The following DOCK4 variants were observed in gnomAD, a reference collection of about 807,000 sequenced individuals.
DOCK4 encodes the protein dedicator of cytokinesis protein 4.
A neutral mutation model predicts 268.1 loss-of-function variants in DOCK4; 97 were observed. The ratio of observed to expected loss-of-function variants is 0.36; its 90% confidence interval spans 0.31 to 0.43. The LOEUF (loss-of-function observed/expected upper bound fraction) is 0.43, where lower values mean the gene tolerates loss of function less well. Among genes scored for constraint, DOCK4 ranks in the 20% least tolerant of loss-of-function variants. The pLI, the probability that DOCK4 is intolerant of heterozygous loss-of-function variation, is 1.00. For missense variants in DOCK4, 2,145 were observed against 2,455.7 expected (o/e 0.87, Z 2.67); for synonymous variants, 954 against 887.2 (o/e 1.08, Z -1.34).
chr7:111,776,581 A>G (rs928205691), intron 36 of DOCK4, among the ~76,000 whole-genome samples: 2 of 152,354 alleles, frequency 1.3e-5, no homozygotes, highest in Middle Eastern at 3.4e-3. Flanking sequence ...ATGCCATTAC[A>G]GTCCTCAAAA....
chr7:111,895,053 C>T (rs1218495683), intron 16 of DOCK4, among the ~76,000 whole-genome samples: 1 of 147,484 alleles, frequency 6.8e-6, no homozygotes, highest in Admixed American at 6.7e-5. Context: ...TTCATTATTA[C>T]TAGTATTCTC....
At position 112,006,984 on chromosome 7, in the gene DOCK4, A is replaced by G. The variant is rs116232301; in HGVS notation, c.38-2853T>C. ...TGCAGACCTCAGTGCTTTTACATCT[A>G]TTATTCTCTATTTAGGGGGTTGCCT... On this transcript the variant is annotated intron_variant, in intron 1 of 52. Coordinates refer to ENST00000428084, the MANE Select transcript of DOCK4 (RefSeq NM_001363540.2). Among the ~76,000 whole-genome samples, 91 of 152,252 alleles carry G rather than the reference A, an allele frequency of 6.0e-4. 1 individual carries two copies. Among genetic ancestry groups the G allele is most frequent in the African/African-American group, 2.1e-3 (87 of 41,534 alleles).
intron 1 of DOCK4, among the ~76,000 whole-genome samples, chr7:112,014,679 G>T (rs1801656593): frequency 6.6e-6 from 1 of 152,062 alleles, no homozygotes; most frequent in Non-Finnish European, 1.5e-5. Context: ...TTCTTATGTG[G>T]AAAAAAATTA....
chr7:111,743,996 T>G (rs1796103220), intron 44 of DOCK4, among the ~76,000 whole-genome samples: 1 of 152,056 alleles, frequency 6.6e-6, no homozygotes, highest in African/African-American at 2.4e-5. Context: ...GTTTTTAGGT[T>G]TTTGTAGAGA....
intron 51 of DOCK4, among the ~76,000 whole-genome samples, chr7:111,734,736 G>A (rs1472425020): frequency 6.6e-6 from 1 of 152,206 alleles, no homozygotes; most frequent in Non-Finnish European, 1.5e-5. Context: ...TAAGAATGAA[G>A]TGGTTCAAAG....
chr7:112,096,699 G>A (rs1810174223), intron 1 of DOCK4, among the ~76,000 whole-genome samples: 1 of 152,196 alleles, frequency 6.6e-6, no homozygotes, highest in South Asian at 2.1e-4. Context: ...AGTGTTAAAT[G>A]TAAATGAGGC....
intron 1 of DOCK4, among the ~76,000 whole-genome samples, chr7:112,022,210 A>G (rs1252423122): frequency 6.6e-6 from 1 of 152,240 alleles, no homozygotes; most frequent in African/African-American, 2.4e-5. Flanking sequence ...TTTACTAAAC[A>G]TCTACCGCAG....
At chr7:111,856,991 ACT>A (rs750545659) in intron 23 of DOCK4, among the ~76,000 whole-genome samples, 28 of 152,120 alleles carry the variant, frequency 1.8e-4, no homozygotes, top group Non-Finnish European at 3.5e-4. Flanking sequence ...CTTTCTAAGG[ACT>A]CTCTATTTTG....
intron 1 of DOCK4, among the ~76,000 whole-genome samples, chr7:112,026,669 A>C (rs1299414187): frequency 6.6e-6 from 1 of 152,254 alleles, no homozygotes; most frequent in Non-Finnish European, 1.5e-5. Flanking sequence ...TTTTATGGAA[A>C]GATAACTACA....
Position 111,767,105 on chromosome 7 carries a change from C to A in DOCK4, c.3842G>T (p.Gly1281Val). ...TGCAATCTTCCGGCACAAGATAATG[C>A]CATTCTCCCAACACTGTGGACAAAT... is the stretch of plus-strand genomic sequence containing the variant. ...NFDRGKCWENGIILCRKIAEQ... is the reference protein window; with the variant it reads ...NFDRGKCWENVIILCRKIAEQ... Residue 1281 changes from glycine to valine, a missense_variant, in exon 38 of 53, where the codon GGC becomes GTC. Transcript: ENST00000428084. 1 of 1,613,422 alleles carries A rather than the reference C, an allele frequency of 6.2e-7. No homozygotes were observed. Among genetic ancestry groups the A allele is most frequent in the Non-Finnish European group, 8.5e-7 (1 of 1,179,630 alleles).
chr7:111,895,005 T>C (rs1216845819), intron 16 of DOCK4, among the ~76,000 whole-genome samples: 2 of 152,168 alleles, frequency 1.3e-5, no homozygotes, highest in Admixed American at 1.3e-4. Context: ...TTGGAGAAAA[T>C]TGCCTGTGCA....
intron 8 of DOCK4, among the ~76,000 whole-genome samples, chr7:111,975,645 A>C (rs910345856): frequency 6.6e-6 from 1 of 152,160 alleles, no homozygotes; most frequent in African/African-American, 2.4e-5. Flanking sequence ...CACACCTCAT[A>C]AATTTTGTCC....
At chr7:111,798,761 C>T (rs1414097655) in intron 30 of DOCK4, among the ~76,000 whole-genome samples, 1 of 152,214 alleles carries the variant, frequency 6.6e-6, no homozygotes, top group Non-Finnish European at 1.5e-5. Context: ...AAGCTAATAG[C>T]TCTTACAAGA....
chr7:112,154,313 T>C (rs729720), intron 1 of DOCK4, among the ~76,000 whole-genome samples: 75,238 of 151,918 alleles, frequency 0.5, 18,842 homozygotes, highest in East Asian at 0.69. Context: ...GAATAAGTAA[T>C]CTTTAAACAA....
intron 1 of DOCK4, among the ~76,000 whole-genome samples, chr7:112,090,951 ACT>A (rs932603657): frequency 7.2e-5 from 11 of 152,022 alleles, no homozygotes; most frequent in African/African-American, 2.7e-4. Context: ...GGACCCCCTG[ACT>A]CTACCGGGCT....
chr7:111,757,090 G>T (rs781768412), intron 41 of DOCK4, among the ~76,000 whole-genome samples: 1 of 152,074 alleles, frequency 6.6e-6, no homozygotes, highest in African/African-American at 2.4e-5. Flanking sequence ...GGCTTGGCGG[G>T]AGAGGAAGAG....
intron 8 of DOCK4, among the ~76,000 whole-genome samples, chr7:111,964,170 A>T (rs1290231033): frequency 1.4e-5 from 2 of 144,048 alleles, no homozygotes; most frequent in African/African-American, 5.6e-5. Context: ...TCCAAAGGAA[A>T]GCAGTTCCTC....
intron 1 of DOCK4, among the ~76,000 whole-genome samples, chr7:112,137,272 C>T (rs1191758290): frequency 6.6e-6 from 1 of 152,146 alleles, no homozygotes; most frequent in Non-Finnish European, 1.5e-5. Context: ...ATAAATCCCT[C>T]TACATCATCC....
At chr7:112,192,873 A>G (rs998504332) in intron 1 of DOCK4, among the ~76,000 whole-genome samples, 1 of 152,112 alleles carries the variant, frequency 6.6e-6, no homozygotes, top group Non-Finnish European at 1.5e-5. Flanking sequence ...ACTAAGAAAA[A>G]AAAATGCAAC....
Sources: allele counts gnomAD v4.1 joint callset (sites outside exome capture counted in the v4.1 genomes callset), GRCh38; gene constraint gnomAD v4.1.1; transcripts MANE v1.5; gene names NCBI Gene and HGNC (gene_info 2026-07-23, HGNC 2026-07-21).